The following FAM135A variants were observed in gnomAD, a reference collection of about 807,000 sequenced individuals.
The protein encoded by FAM135A is family with sequence similarity 135 member A.
Under a neutral mutation model 146.8 loss-of-function variants are expected in FAM135A, and 79 were observed. That is an observed-to-expected ratio of 0.54 (90% CI 0.45 to 0.65). FAM135A has a LOEUF of 0.65. FAM135A is among the 30% of genes least tolerant of loss of function. The probability of loss-of-function intolerance (pLI) is 0.00; values close to 1 mark genes in which losing one functional copy is unlikely to be tolerated. For synonymous variants in FAM135A, 562 were observed against 603.6 expected (o/e 0.93, Z 1.01); for missense variants, 1,623 against 1,758.2 (o/e 0.92, Z 1.38).
In FAM135A at chr6:70,497,262, A is replaced by G. The variant is rs984233345; in HGVS notation, c.874-5374A>G. 7.9e-5 allele frequency among the ~76,000 whole-genome samples: 12 copies of G among 152,112 alleles called. No individual in the cohort carries two copies. In the East Asian group the frequency reaches 2.1e-3, roughly 27 times the overall value. On this transcript the variant is annotated intron_variant, in intron 11 of 21. Transcript: ENST00000418814. Reference sequence around the variant, plus strand: ...TAGGTTTTTTATTTTCTTCGTAGCAATTGTGAATGGGAATTCACTCATGAT... The same window carrying G: ...TAGGTTTTTTATTTTCTTCGTAGCAGTTGTGAATGGGAATTCACTCATGAT...
intron 5 of FAM135A, among the ~76,000 whole-genome samples, chr6:70,468,976 T>C (rs1241131552): frequency 3.3e-5 from 5 of 152,240 alleles, no homozygotes; most frequent in Non-Finnish European, 1.5e-5. Flanking sequence ...TCTTTGCTGA[T>C]AGGTTCCCTT....
chr6:70,446,742 GAAGGAATACTC>G (rs1775842322), intron 4 of FAM135A, among the ~76,000 whole-genome samples: 2 of 152,186 alleles, frequency 1.3e-5, no homozygotes, highest in African/African-American at 4.8e-5. Flanking sequence ...AGCCCTTGTT[GAAGGAATACTC>G]ACGGCAGTGG....
chr6:70,448,622 T>C (rs1034856052), intron 4 of FAM135A, among the ~76,000 whole-genome samples: 2 of 151,726 alleles, frequency 1.3e-5, no homozygotes, highest in African/African-American at 4.8e-5. Context: ...AATATAGAGG[T>C]GTGGAGTGGG....
chr6:70,553,159 C>G (rs1439474744), intron 20 of FAM135A, among the ~76,000 whole-genome samples: 1 of 152,128 alleles, frequency 6.6e-6, no homozygotes, highest in Non-Finnish European at 1.5e-5. Flanking sequence ...GTTGCTCCCC[C>G]CAGCAGAGGA....
At position 70,426,567 on chromosome 6, in the gene FAM135A, T is replaced by C. The variant is rs999561591; in HGVS notation, c.-40+35T>C. 6 of 152,226 alleles carry C rather than the reference T, an allele frequency of 3.9e-5. No homozygotes were observed. In the East Asian group the frequency reaches 5.8e-4, roughly 15 times the overall value. The allele number at this position is 152,226 out of a possible 1,614,324, so 9.4% of individuals were successfully genotyped here. On this transcript the variant is annotated intron_variant, in intron 3 of 21. Transcript: ENST00000418814. The stretch of plus-strand genomic sequence containing the variant: ...TAACTTTTTTGCACTTAATTCTTAA[T>C]AGATTCGAGTATTTGCCAAATTTCT...
chr6:70,448,384 C>T (rs1490461887), intron 4 of FAM135A, among the ~76,000 whole-genome samples: 1 of 152,122 alleles, frequency 6.6e-6, no homozygotes, highest in African/African-American at 2.4e-5. Flanking sequence ...CGAACCAGAG[C>T]CCACACTTGT....
chr6:70,536,483 G>T (rs1448601463), intron 19 of FAM135A, 72 bp downstream of exon 19: 2 of 1,244,734 alleles, frequency 1.6e-6, no homozygotes, highest in East Asian at 5.7e-5. Flanking sequence ...ATTTTCTGGT[G>T]TTTATTTTAG....
At chr6:70,518,341 C>T (rs1168904640) in intron 12 of FAM135A, among the ~76,000 whole-genome samples, 1 of 152,094 alleles carries the variant, frequency 6.6e-6, no homozygotes, top group Non-Finnish European at 1.5e-5. Flanking sequence ...TTGAAACTAG[C>T]AGAGATTGGG....
chr6:70,549,090 G>T (rs1274832083), intron 20 of FAM135A, among the ~76,000 whole-genome samples: 1 of 151,946 alleles, frequency 6.6e-6, no homozygotes. Flanking sequence ...TTATCTTTTT[G>T]GAGAGTACAT....
chr6:70,445,482 A>G (rs994871906), intron 4 of FAM135A, among the ~76,000 whole-genome samples: 1 of 152,196 alleles, frequency 6.6e-6, no homozygotes, highest in Non-Finnish European at 1.5e-5. Flanking sequence ...AGTGCCCTGA[A>G]CAAAGATTTA....
chr6:70,514,681 A>G (rs1791794244), intron 12 of FAM135A, among the ~76,000 whole-genome samples: 1 of 150,376 alleles, frequency 6.6e-6, no homozygotes, highest in African/African-American at 2.5e-5. Context: ...CACTGTAGCC[A>G]GTCCTGCAAT....
intron 12 of FAM135A, among the ~76,000 whole-genome samples, chr6:70,508,987 G>A (rs1294554297): frequency 6.6e-6 from 1 of 152,100 alleles, no homozygotes; most frequent in Non-Finnish European, 1.5e-5. Context: ...TGTGGAAGCA[G>A]GGCCTTTTGG....
intron 11 of FAM135A, among the ~76,000 whole-genome samples, chr6:70,495,250 CT>C (rs544984066): frequency 1.4e-3 from 213 of 152,270 alleles, no homozygotes; most frequent in East Asian, 6.9e-3. Flanking sequence ...AATGTAAACA[CT>C]TTCCATAAAT....
intron 10 of FAM135A, chr6:70,486,091 C>A: frequency 7.8e-7 from 1 of 1,275,996 alleles, no homozygotes; most frequent in Non-Finnish European, 1.1e-6. Flanking sequence ...CTATTATTAA[C>A]AAGTTGGAAA....
intron 5 of FAM135A, among the ~76,000 whole-genome samples, chr6:70,454,401 CTTTAG>C (rs1777828310): frequency 6.6e-6 from 1 of 152,124 alleles, no homozygotes; most frequent in Non-Finnish European, 1.5e-5. Flanking sequence ...TGCAGAAGCT[CTTTAG>C]TTTAGTTAGA....
chr6:70,433,786 T>TA (rs888990898), intron 4 of FAM135A, among the ~76,000 whole-genome samples: 4 of 152,196 alleles, frequency 2.6e-5, no homozygotes, highest in African/African-American at 9.7e-5. Flanking sequence ...TATTCAATGT[T>TA]AAAAAAAGTT....
intron 10 of FAM135A, among the ~76,000 whole-genome samples, chr6:70,485,793 A>G (rs527788081): frequency 6.6e-6 from 1 of 152,226 alleles, no homozygotes; most frequent in African/African-American, 2.4e-5. Context: ...GGTTTGGTGC[A>G]GGGAGCTCTT....
intron 4 of FAM135A, among the ~76,000 whole-genome samples, chr6:70,441,456 C>G (rs1453756988): frequency 1.3e-5 from 2 of 152,002 alleles, no homozygotes; most frequent in African/African-American, 4.8e-5. Flanking sequence ...AGGTTGGTTT[C>G]TGTGAATTTC....
At position 70,441,295 on chromosome 6, in the gene FAM135A, G is replaced by A. The variant is rs549766184; in HGVS notation, c.78-11197G>A. ...CCCAGCTACTCAGGAGGCTGAGATG[G>A]GAGAATTGCTTGAGACTCAGAGGTG... On this transcript the variant is annotated intron_variant, in intron 4 of 21. Transcript: ENST00000418814. Among the ~76,000 whole-genome samples the A allele has an allele frequency of 2.6e-5, 4 of 152,224 alleles. No homozygotes were observed. In the South Asian group the frequency reaches 8.3e-4, roughly 32 times the overall value.
Sources: allele counts gnomAD v4.1 joint callset (sites outside exome capture counted in the v4.1 genomes callset), GRCh38; gene constraint gnomAD v4.1.1; transcripts MANE v1.5; gene names NCBI Gene and HGNC (gene_info 2026-07-23, HGNC 2026-07-21).